The following MBOAT2 variants were observed in gnomAD, a reference collection of about 807,000 sequenced individuals.
MBOAT2 encodes membrane-bound glycerophospholipid O-acyltransferase 2.
MBOAT2 carries 28 observed loss-of-function variants against 63.4 expected under a neutral mutation model. The observed-to-expected ratio is 0.44, with a 90% CI of 0.33 to 0.61. MBOAT2 has a LOEUF of 0.61. Among genes scored for constraint, MBOAT2 ranks in the 20% least tolerant of loss-of-function variants. MBOAT2 has a pLI of 0.03. For synonymous variants in MBOAT2, 211 were observed against 215.6 expected, an observed-to-expected ratio of 0.98 and a Z score of 0.19; for missense variants, 470 against 605.8, an observed-to-expected ratio of 0.78 and a Z score of 2.35.
chr2:8,878,384 A>T (rs1662854425), intron 6 of MBOAT2, among the ~76,000 whole-genome samples: 2 of 152,248 alleles, frequency 1.3e-5, no homozygotes, highest in South Asian at 4.1e-4. Context: ...AAGAAAGCAC[A>T]ACTGCACCTG....
intron 6 of MBOAT2, among the ~76,000 whole-genome samples, chr2:8,880,610 G>C (rs1383320379): frequency 1.3e-5 from 2 of 152,250 alleles, no homozygotes. Context: ...GCCAATGGAT[G>C]TGACCACCTG....
intron 5 of MBOAT2, among the ~76,000 whole-genome samples, chr2:8,885,990 A>G (rs1663520257): frequency 6.6e-6 from 1 of 152,204 alleles, no homozygotes; most frequent in Non-Finnish European, 1.5e-5. Context: ...TGGCTGGTCC[A>G]CAGTCCCCTA....
chr2:8,868,830 G>A (rs955357157), intron 8 of MBOAT2, among the ~76,000 whole-genome samples: 1 of 152,090 alleles, frequency 6.6e-6, no homozygotes, highest in Non-Finnish European at 1.5e-5. Context: ...AACAGGAAAC[G>A]CTCCCCAACA....
At chr2:8,890,334 C>T (rs978464373) in intron 4 of MBOAT2, among the ~76,000 whole-genome samples, 5 of 152,162 alleles carry the variant, frequency 3.3e-5, no homozygotes, top group Admixed American at 1.3e-4. Context: ...TTCATTTCAT[C>T]TTAGTCCTTG....
chr2:8,938,717 CAT>C (rs1318419795), intron 3 of MBOAT2, among the ~76,000 whole-genome samples: 2 of 150,638 alleles, frequency 1.3e-5, no homozygotes, highest in African/African-American at 2.4e-5. Flanking sequence ...TTCATGCTGC[CAT>C]GTTTCATGCC....
At chr2:8,927,461 A>G (rs1667007338) in intron 3 of MBOAT2, among the ~76,000 whole-genome samples, 1 of 152,198 alleles carries the variant, frequency 6.6e-6, no homozygotes, top group Non-Finnish European at 1.5e-5. Context: ...AATTAAAACA[A>G]TTTTCAAGAA....
chr2:8,881,983 G>C (rs1047350029), intron 6 of MBOAT2, among the ~76,000 whole-genome samples: 3 of 152,144 alleles, frequency 2.0e-5, no homozygotes, highest in Non-Finnish European at 4.4e-5. Context: ...CCTTAGATTA[G>C]TCATCAGAGT....
intron 1 of MBOAT2, among the ~76,000 whole-genome samples, chr2:8,982,775 CAG>C (rs1671290089): frequency 6.6e-6 from 1 of 152,126 alleles, no homozygotes; most frequent in Non-Finnish European, 1.5e-5. Context: ...GCTAGAGATG[CAG>C]AGGAGAATAA....
intron 2 of MBOAT2, among the ~76,000 whole-genome samples, chr2:8,955,306 T>C (rs557255856): frequency 3.7e-4 from 57 of 152,316 alleles, no homozygotes; most frequent in Non-Finnish European, 6.2e-4. Context: ...TCTCCCCAAG[T>C]TGGCTCCAGG....
chr2:8,860,352 A>C (rs1661408161), intron 12 of MBOAT2, among the ~76,000 whole-genome samples: 1 of 152,006 alleles, frequency 6.6e-6, no homozygotes, highest in South Asian at 2.1e-4. Flanking sequence ...GTTTTTTGTT[A>C]AATTTAGGAG....
chr2:8,948,229 A>G (rs1668559993), intron 2 of MBOAT2, among the ~76,000 whole-genome samples: 1 of 152,214 alleles, frequency 6.6e-6, no homozygotes, highest in African/African-American at 2.4e-5. Context: ...AAAACTTCTC[A>G]ACAGATGAGT....
At chr2:8,887,876 C>A (rs1663674959) in intron 5 of MBOAT2, 142 bp downstream of exon 5, 5 of 785,896 alleles carry the variant, frequency 6.4e-6, no homozygotes, top group Non-Finnish European at 1.1e-5. Flanking sequence ...TTTCATAATC[C>A]TAAGCACAGT....
intron 3 of MBOAT2, among the ~76,000 whole-genome samples, chr2:8,916,036 C>A (rs532598227): frequency 6.6e-6 from 1 of 152,182 alleles, no homozygotes; most frequent in African/African-American, 2.4e-5. Flanking sequence ...TTTGGAAAGG[C>A]CTTTCTTACT....
intron 1 of MBOAT2, among the ~76,000 whole-genome samples, chr2:8,979,251 G>C (rs560430832): frequency 6.6e-6 from 1 of 152,154 alleles, no homozygotes; most frequent in African/African-American, 2.4e-5. Flanking sequence ...GATTAGATTG[G>C]GATCAGTGGT....
intron 3 of MBOAT2, among the ~76,000 whole-genome samples, chr2:8,942,240 G>A (rs1668108479): frequency 6.6e-6 from 1 of 152,116 alleles, no homozygotes; most frequent in African/African-American, 2.4e-5. Flanking sequence ...AAAATAGAAT[G>A]AGACTTAGAA....
At chr2:8,988,814 T>C (rs1671734860) in intron 1 of MBOAT2, among the ~76,000 whole-genome samples, 1 of 152,068 alleles carries the variant, frequency 6.6e-6, no homozygotes, top group South Asian at 2.1e-4. Flanking sequence ...GACATCTCAA[T>C]ATTGCAAGGA....
chr2:8,993,640 T>A (rs1328357328), intron 1 of MBOAT2, among the ~76,000 whole-genome samples: 1 of 152,108 alleles, frequency 6.6e-6, no homozygotes, highest in Non-Finnish European at 1.5e-5. Context: ...CTAGACCGCA[T>A]CCCTCAGAAC....
intron 3 of MBOAT2, among the ~76,000 whole-genome samples, chr2:8,941,774 TA>T (rs1314602099): frequency 2.0e-5 from 3 of 152,206 alleles, no homozygotes; most frequent in South Asian, 4.1e-4. Context: ...AGTACAGGTC[TA>T]AAGTATTACA....
chr2:8,928,988 G>C (rs1255204988), intron 3 of MBOAT2, among the ~76,000 whole-genome samples: 3 of 152,138 alleles, frequency 2.0e-5, no homozygotes, highest in Non-Finnish European at 4.4e-5. Flanking sequence ...AATTTAGAGA[G>C]ACACCAAGAA....
Sources: allele counts gnomAD v4.1 joint callset (sites outside exome capture counted in the v4.1 genomes callset), GRCh38; gene constraint gnomAD v4.1.1; transcripts MANE v1.5; gene names NCBI Gene and HGNC (gene_info 2026-07-23, HGNC 2026-07-21).